Variants in DLGAP2 observed in about 807,000 individuals in gnomAD.
The protein encoded by DLGAP2 is DLG associated protein 2.
Under a neutral mutation model 100.3 loss-of-function variants are expected in DLGAP2, and 26 were observed. That is an observed-to-expected ratio of 0.26 (90% CI 0.19 to 0.36). The LOEUF (loss-of-function observed/expected upper bound fraction) is 0.36, where lower values mean the gene tolerates loss of function less well. Among genes scored for constraint, DLGAP2 ranks in the 10% least tolerant of loss-of-function variants. The pLI is 1.00. For synonymous variants in DLGAP2, 886 were observed against 630.1 expected (o/e 1.41, Z -6.08); for missense variants, 1,858 against 1,453.2 (o/e 1.28, Z -4.53).
At chr8:1,117,420 C>A (rs1211038551) in intron 2 of DLGAP2, among the ~76,000 whole-genome samples, 1 of 152,118 alleles carries the variant, frequency 6.6e-6, no homozygotes, top group African/African-American at 2.4e-5. Flanking sequence ...TATGGGTGAT[C>A]AAGTGTCAGA....
intron 2 of DLGAP2, among the ~76,000 whole-genome samples, chr8:1,000,388 G>A (rs552301589): frequency 1.8e-4 from 27 of 150,526 alleles, no homozygotes; most frequent in African/African-American, 6.4e-4. Context: ...AAAGATCTGG[G>A]TTGGGGTGGT....
At chr8:1,542,262 ACACAC>A (rs1470894467) in intron 4 of DLGAP2, among the ~76,000 whole-genome samples, 7 of 152,228 alleles carry the variant, frequency 4.6e-5, no homozygotes, top group Non-Finnish European at 8.8e-5. Context: ...GATATAAGTC[ACACAC>A]CATAAAAGTC....
intron 2 of DLGAP2, among the ~76,000 whole-genome samples, chr8:964,233 A>G (rs554325680): frequency 4.6e-5 from 7 of 152,306 alleles, no homozygotes; most frequent in South Asian, 2.1e-4. Context: ...TTGAAGCATG[A>G]TAGTCCTGTG....
chr8:1,372,138 A>C (rs189722061), intron 3 of DLGAP2, among the ~76,000 whole-genome samples: 1 of 152,084 alleles, frequency 6.6e-6, no homozygotes, highest in African/African-American at 2.4e-5. Context: ...GCAGGCACCT[A>C]CACAGGTGAT....
intron 1 of DLGAP2, among the ~76,000 whole-genome samples, chr8:859,343 C>T (rs895593123): frequency 2.6e-5 from 4 of 152,122 alleles, no homozygotes; most frequent in Non-Finnish European, 5.9e-5. Flanking sequence ...AACTCCTGAC[C>T]GCAGCTGATC....
chr8:1,343,861 G>T (rs1207933581), intron 3 of DLGAP2, among the ~76,000 whole-genome samples: 5 of 152,116 alleles, frequency 3.3e-5, no homozygotes, highest in African/African-American at 9.7e-5. Context: ...CAATTCCAGG[G>T]AGTAGGGGGA....
intron 1 of DLGAP2, among the ~76,000 whole-genome samples, chr8:794,478 T>G (rs1257667921): frequency 6.6e-6 from 1 of 152,186 alleles, no homozygotes; most frequent in Non-Finnish European, 1.5e-5. Context: ...AAAGTCTCCC[T>G]TATGAGAAAT....
chr8:1,678,276 A>G lies in DLGAP2; in HGVS notation c.2351A>G (p.Glu784Gly). ...TAAVQADLEL[E>G]GFPGHITTED... ...GCCGTCCAAGCTGACCTGGAGCTGG[A>G]GGGGTTCCCAGGCCACATCACCACG... is the stretch of plus-strand genomic sequence containing the variant. Residue 784 changes from glutamate (E) to glycine (G), a missense_variant, in exon 12 of 15, where the codon GAG (glutamate) becomes GGG (glycine). Coordinates refer to ENST00000637795, the MANE Select transcript of DLGAP2 (RefSeq NM_001346810.2). The G allele has an allele frequency of 3.7e-6, 6 of 1,613,810 alleles. No individual in the cohort carries two copies. Among genetic ancestry groups the G allele is most frequent in the Non-Finnish European group, 5.1e-6 (6 of 1,179,816 alleles).
At chr8:1,421,915 G>A (rs1296575543) in intron 3 of DLGAP2, among the ~76,000 whole-genome samples, 2 of 152,128 alleles carry the variant, frequency 1.3e-5, no homozygotes, top group African/African-American at 2.4e-5. Context: ...GCAGTGAGCC[G>A]TGATCATGCC....
intron 3 of DLGAP2, among the ~76,000 whole-genome samples, chr8:1,414,807 G>C (rs1417075615): frequency 6.6e-6 from 1 of 152,182 alleles, no homozygotes; most frequent in African/African-American, 2.4e-5. Context: ...TCAGGAGTTT[G>C]AGACCAGCCT....
At chr8:1,442,546 G>A (rs1285277142) in intron 3 of DLGAP2, among the ~76,000 whole-genome samples, 1 of 145,762 alleles carries the variant, frequency 6.9e-6, no homozygotes, top group East Asian at 2.1e-4. Context: ...GCCACTGGGG[G>A]AGACGGATCC....
rs1249358250 is a variant in DLGAP2 at position 1,085,731 on chromosome 8, T to C, written c.74-173120T>C. On this transcript the variant is annotated intron_variant, in intron 2 of 14. Transcript: ENST00000637795. Reference sequence around the variant, plus strand: ...CCTCTAGCTTTGCTACTTTTGCTCATGATTTTCTTATATATTTGAGGTTTT... The same window carrying C: ...CCTCTAGCTTTGCTACTTTTGCTCACGATTTTCTTATATATTTGAGGTTTT... Among the ~76,000 whole-genome samples, 3 of 152,358 alleles carry C rather than the reference T, an allele frequency of 2.0e-5. No individual in the cohort carries two copies. The East Asian group carries it at 5.8e-4, about 29-fold the overall frequency.
At chr8:862,444 A>G (rs1327524326) in intron 1 of DLGAP2, among the ~76,000 whole-genome samples, 2 of 152,112 alleles carry the variant, frequency 1.3e-5, no homozygotes, top group East Asian at 1.9e-4. Flanking sequence ...CTGAGACTAC[A>G]GGCACCCACC....
chr8:1,317,424 C>G (rs1442240298), intron 3 of DLGAP2, among the ~76,000 whole-genome samples: 1 of 141,866 alleles, frequency 7.0e-6, no homozygotes. Flanking sequence ...GTGGTCTACA[C>G]TCGAGAAACT....
At chr8:774,093 G>A (rs1220196258) in intron 1 of DLGAP2, among the ~76,000 whole-genome samples, 2 of 152,134 alleles carry the variant, frequency 1.3e-5, no homozygotes, top group African/African-American at 2.4e-5. Context: ...TTTCTCTGAT[G>A]GCCAGTGACG....
intron 4 of DLGAP2, among the ~76,000 whole-genome samples, chr8:1,537,986 G>A (rs942144246): frequency 6.6e-6 from 1 of 152,156 alleles, no homozygotes; most frequent in African/African-American, 2.4e-5. Flanking sequence ...GATACTGCGG[G>A]GGGAACAGAG....
chr8:1,490,846 G>A (rs1030785956), intron 3 of DLGAP2, among the ~76,000 whole-genome samples: 3 of 151,582 alleles, frequency 2.0e-5, no homozygotes, highest in African/African-American at 7.3e-5. Context: ...GACACAGGAA[G>A]GGGAACATCA....
chr8:879,269 C>G (rs1797740236), intron 1 of DLGAP2, among the ~76,000 whole-genome samples: 1 of 152,206 alleles, frequency 6.6e-6, no homozygotes, highest in South Asian at 2.1e-4. Context: ...TATTCACTCT[C>G]TGGGCAATAA....
At chr8:1,266,525 C>T (rs756526530) in intron 3 of DLGAP2, among the ~76,000 whole-genome samples, 1 of 152,148 alleles carries the variant, frequency 6.6e-6, no homozygotes, top group African/African-American at 2.4e-5. Context: ...TATTTGCTTC[C>T]TTAAATCCTG....
Sources: allele counts gnomAD v4.1 joint callset (sites outside exome capture counted in the v4.1 genomes callset), GRCh38; gene constraint gnomAD v4.1.1; transcripts MANE v1.5; gene names NCBI Gene and HGNC (gene_info 2026-07-23, HGNC 2026-07-21).